PDC: variants seen among roughly 807,000 people sequenced by gnomAD.
PDC encodes 33 kDa phototransducing protein.
A neutral mutation model predicts 22.2 loss-of-function variants in PDC; 19 were observed. The ratio of observed to expected loss-of-function variants is 0.86; its 90% CI spans 0.60 to 1.26. PDC has a LOEUF of 1.26. Ranked by LOEUF, PDC falls within the 50% of genes most tolerant of loss-of-function variation. The pLI is 0.00. For missense variants in PDC, 274 were observed against 286.8 expected (o/e 0.96, Z 0.32); for synonymous variants, 97 against 96.2 (o/e 1.01, Z -0.05).
chr1:186,455,810 A>C (rs1357546680), intron 1 of PDC, among the ~76,000 whole-genome samples: 2 of 141,222 alleles, frequency 1.4e-5, no homozygotes, highest in East Asian at 2.1e-4. Context: ...AAAAAAAAAA[A>C]AAAAAAAAAA....
intron 2 of PDC, among the ~76,000 whole-genome samples, chr1:186,449,029 A>G (rs1308732592): frequency 6.6e-6 from 1 of 152,150 alleles, no homozygotes; most frequent in Non-Finnish European, 1.5e-5. Flanking sequence ...AAATGAAATT[A>G]AAGGCCATTT....
At chr1:186,457,681 G>A (rs1034652346) in intron 1 of PDC, among the ~76,000 whole-genome samples, 1 of 152,088 alleles carries the variant, frequency 6.6e-6, no homozygotes, top group African/African-American at 2.4e-5. Context: ...ACATTTGGTG[G>A]TATCATAATA....
At chr1:186,449,749 TC>T (rs1312607174) in intron 1 of PDC, among the ~76,000 whole-genome samples, 5 of 152,192 alleles carry the variant, frequency 3.3e-5, no homozygotes, top group African/African-American at 1.2e-4. Flanking sequence ...ATTTGTCTTT[TC>T]TTAACTCAAG....
At position 186,444,087 on chromosome 1, in the gene PDC, T is replaced by A. The variant is rs770443617; in HGVS notation, c.633A>T (p.Glu211Asp). 2 of 1,613,904 alleles carry A rather than the reference T, an allele frequency of 1.2e-6. No homozygotes were observed. Among genetic ancestry groups the A allele is most frequent in the South Asian group, 2.2e-5 (2 of 91,078 alleles). Residue 211 changes from glutamate (E) to aspartate (D), a missense_variant, in exon 4 of 4, where the codon GAA becomes GAT. Transcript: ENST00000391997. ...FISVAEQFAE[E>D]FFAGDVESFL... is the part of the protein sequence containing the mutation. ...AAGACTCCACATCCCCAGCAAAAAA[T>A]TCTTCAGCAAACTGTTCAGCAACAC...
At chr1:186,458,949 C>T (rs2102140615) in intron 1 of PDC, among the ~76,000 whole-genome samples, 1 of 152,214 alleles carries the variant, frequency 6.6e-6, no homozygotes, top group Non-Finnish European at 1.5e-5. Flanking sequence ...ATCACTTGAG[C>T]GCAGGAATTC....
In PDC at chr1:186,444,118, A is replaced by T; in HGVS notation, c.602T>A (p.Phe201Tyr). The T allele has an allele frequency of 6.2e-7, 1 of 1,614,042 alleles. No individual in the cohort carries two copies. Among genetic ancestry groups the T allele is most frequent in the Non-Finnish European group, 8.5e-7 (1 of 1,179,968 alleles). ...AGCAAACTGTTCAGCAACACTAATA[A>T]AATTGCTTATGAGTTCCCCACCTTT... The part of the protein sequence containing the change: ...IYKGGELISN[F>Y]ISVAEQFAEE... The change falls in exon 4 of 4, where the codon TTT (phenylalanine) becomes TAT (tyrosine). Residue 201 changes from phenylalanine (F) to tyrosine (Y), a missense_variant. By Grantham distance (22) the Phe-to-Tyr change is conservative (BLOSUM62 3). Coordinates refer to ENST00000391997, the MANE Select transcript of PDC (RefSeq NM_002597.5).
intron 1 of PDC, among the ~76,000 whole-genome samples, chr1:186,455,875 GGCA>G (rs1662454366): frequency 9.6e-6 from 1 of 104,702 alleles, no homozygotes; most frequent in Non-Finnish European, 2.0e-5. Context: ...GGGAGGCTGA[GGCA>G]GGAGAATGGC....
At chr1:186,452,839 A>G (rs1662380866) in intron 1 of PDC, among the ~76,000 whole-genome samples, 1 of 152,194 alleles carries the variant, frequency 6.6e-6, no homozygotes, top group African/African-American at 2.4e-5. Flanking sequence ...GGCAGAAGGT[A>G]AAAATCTTGC....
chr1:186,449,470 G>C lies in PDC; in HGVS notation c.-11C>G, dbSNP rs1662305086. 1 of 1,556,852 alleles carries C rather than the reference G, an allele frequency of 6.4e-7. No individual in the cohort carries two copies. The highest frequency in any genetic ancestry group is 1.7e-5 in the Admixed American group (1 of 59,824). ...TTTGGCTTCTTCCATTTTAGGGACT[G>C]GATTTGATATAATCTATAGGAGGAA... On this transcript the variant is annotated 5_prime_UTR_variant, in exon 2 of 4. Coordinates refer to ENST00000391997, the MANE Select transcript of PDC (RefSeq NM_002597.5).
At chr1:186,457,809 T>C (rs1164640188) in intron 1 of PDC, among the ~76,000 whole-genome samples, 2 of 152,186 alleles carry the variant, frequency 1.3e-5, no homozygotes, top group African/African-American at 4.8e-5. Flanking sequence ...TTGTTTTCTT[T>C]CTTTTAAATA....
At chr1:186,446,730 C>T (rs1257413876) in intron 2 of PDC, among the ~76,000 whole-genome samples, 153 bp from the exon 3 acceptor site, 7 of 152,076 alleles carry the variant, frequency 4.6e-5, no homozygotes, top group Non-Finnish European at 7.4e-5. Context: ...TTCTGACTGC[C>T]CTGCTCATAA....
intron 2 of PDC, chr1:186,448,590 T>A (rs539158220): frequency 9.0e-6 from 4 of 446,848 alleles, no homozygotes; most frequent in Non-Finnish European, 1.2e-5. Flanking sequence ...CCTTCATCCA[T>A]CCATCCTTCC....
chr1:186,455,994 AATATATATATAT>A lies in PDC; in HGVS notation c.-25+5053_-25+5064del, dbSNP rs71104863. The stretch of plus-strand genomic sequence containing the variant: ...CTCAAAAAAAAAAAAAAAAAAAAAA[AATATATATATAT>A]ATATATATATATATATATATGCATG... On this transcript the variant is annotated intron_variant, in intron 1 of 3. Coordinates refer to ENST00000391997, the MANE Select transcript of PDC (RefSeq NM_002597.5). Among the ~76,000 whole-genome samples the A allele has an allele frequency of 6.4e-3, 492 of 77,050 alleles. 28 individuals are homozygous for A. Among genetic ancestry groups the A allele is most frequent in the Middle Eastern group, 0.026 (2 of 76 alleles). 50.5% of individuals were successfully genotyped at this position (77,050 alleles called of 152,430 possible).
intron 1 of PDC, among the ~76,000 whole-genome samples, chr1:186,455,630 A>G (rs922655454): frequency 6.7e-6 from 1 of 149,978 alleles, no homozygotes; most frequent in Non-Finnish European, 1.5e-5. Context: ...ATGCCTGTGG[A>G]CCCCCAATCC....
chr1:186,458,268 CAA>C (rs1243133444), intron 1 of PDC, among the ~76,000 whole-genome samples: 4 of 108,226 alleles, frequency 3.7e-5, no homozygotes, highest in Non-Finnish European at 5.3e-5. Context: ...AAGGTTGAGA[CAA>C]GAGCACAACT....
At chr1:186,449,647 A>G (rs1662309404) in intron 1 of PDC, among the ~76,000 whole-genome samples, 164 bp from the exon 2 acceptor site, 1 of 152,168 alleles carries the variant, frequency 6.6e-6, no homozygotes, top group Admixed American at 6.5e-5. Flanking sequence ...GTGGTAAAGT[A>G]TTTAGAATGT....
intron 1 of PDC, among the ~76,000 whole-genome samples, chr1:186,454,168 C>CTTTTTTTTTTTTTTTTTTTTTTT (rs397860509): frequency 1.7e-4 from 16 of 94,210 alleles, no homozygotes; most frequent in Non-Finnish European, 2.2e-4. Flanking sequence ...TCTTTTCTTT[C>CTTTTTTTTTTTTTTTTTTTTTTT]TTTTTTTTTT....
chr1:186,448,374 G>T (rs1159667500), intron 2 of PDC, among the ~76,000 whole-genome samples: 1 of 151,832 alleles, frequency 6.6e-6, no homozygotes, highest in African/African-American at 2.4e-5. Context: ...CCTATCTTTT[G>T]CTCATTGTTC....
intron 3 of PDC, among the ~76,000 whole-genome samples, chr1:186,445,604 A>T (rs1440219867): frequency 6.6e-6 from 1 of 152,076 alleles, no homozygotes; most frequent in Admixed American, 6.6e-5. Context: ...GGATTGTTTG[A>T]GCCCAGGAGA....
Sources: allele counts gnomAD v4.1 joint callset (sites outside exome capture counted in the v4.1 genomes callset), GRCh38; gene constraint gnomAD v4.1.1; transcripts MANE v1.5; gene names NCBI Gene and HGNC (gene_info 2026-07-23, HGNC 2026-07-21).